The following GET4 variants were observed in gnomAD, a reference collection of about 807,000 sequenced individuals.
The protein encoded by GET4 is Golgi to ER traffic protein 4 homolog.
Under a neutral mutation model 40.0 loss-of-function variants are expected in GET4, and 20 were observed. The observed-to-expected ratio is 0.50, with a 90% confidence interval of 0.35 to 0.73. GET4 has a LOEUF of 0.73. Ranked by LOEUF, GET4 falls within the 30% of genes least tolerant of loss-of-function variation. The pLI is 0.01. For missense variants in GET4, 557 were observed against 454.0 expected (o/e 1.23, Z -2.06); for synonymous variants, 280 against 194.6 (o/e 1.44, Z -3.65).
At chr7:892,659 C>T (rs1043044729) in intron 6 of GET4, among the ~76,000 whole-genome samples, 2 of 146,092 alleles carry the variant, frequency 1.4e-5, no homozygotes, top group South Asian at 4.4e-4. Flanking sequence ...GTAGACATGG[C>T]GTGGGGGAGT....
At position 896,253 on chromosome 7, in the gene GET4, C is replaced by T. The variant is rs927404370; in HGVS notation, c.*831C>T. On this transcript the variant is annotated 3_prime_UTR_variant, in exon 9 of 9. Transcript: ENST00000265857. Reference sequence around the variant, plus strand: ...CAGCTCCGTTCTGTCAGATGCTACTCCAAATGTTACCAGAACGATGACAAA... The same window carrying T: ...CAGCTCCGTTCTGTCAGATGCTACTTCAAATGTTACCAGAACGATGACAAA... 1.3e-5 allele frequency: 2 copies of T among 152,220 alleles called. No homozygotes were observed. The highest frequency in any genetic ancestry group is 4.8e-5 in the African/African-American group (2 of 41,442). 9.4% of individuals were successfully genotyped at this position (152,220 alleles called of 1,614,324 possible).
intron 2 of GET4, 100 bp downstream of exon 2, chr7:886,234 C>G: frequency 1.3e-6 from 1 of 784,292 alleles, no homozygotes; most frequent in South Asian, 1.4e-5. Context: ...CCTTGCGCTG[C>G]CCTGGGCCTC....
chr7:894,543 C>T (rs912700668), intron 8 of GET4, among the ~76,000 whole-genome samples: 1 of 152,186 alleles, frequency 6.6e-6, no homozygotes, highest in African/African-American at 2.4e-5. Flanking sequence ...CCCTGTCCTC[C>T]CCGGATGCCC....
intron 3 of GET4, 126 bp downstream of exon 3, chr7:886,776 G>A (rs1044202343): frequency 1.4e-5 from 10 of 691,772 alleles, no homozygotes; most frequent in African/African-American, 1.2e-4. Context: ...GAACTCTGCT[G>A]CAGAGGCAGT....
chr7:890,741 T>A (rs1011912825), intron 4 of GET4, among the ~76,000 whole-genome samples, 187 bp from the exon 5 acceptor site: 1 of 152,038 alleles, frequency 6.6e-6, no homozygotes, highest in Non-Finnish European at 1.5e-5. Flanking sequence ...GATCTGTTGA[T>A]TTGGTGCTGC....
chr7:879,462 C>T (rs1331422281), intron 1 of GET4, among the ~76,000 whole-genome samples: 1 of 152,192 alleles, frequency 6.6e-6, no homozygotes, highest in Non-Finnish European at 1.5e-5. Flanking sequence ...GGATGAGGTC[C>T]TGGCATCTGT....
At chr7:887,569 G>T (rs1484837882) in intron 4 of GET4, 50 bp downstream of exon 4, 2 of 1,402,650 alleles carry the variant, frequency 1.4e-6, no homozygotes, top group South Asian at 2.9e-5. Flanking sequence ...TCTCGGCGTT[G>T]ATTTGCACTG....
At chr7:894,053 C>T (rs996691452) in intron 8 of GET4, 82 bp downstream of exon 8, 122 of 773,566 alleles carry the variant, frequency 1.6e-4, no homozygotes, top group Admixed American at 9.9e-4. Flanking sequence ...AGGTCCAGTG[C>T]GGTCCTTCAC....
chr7:883,950 G>A (rs766963666), intron 1 of GET4: 420 of 1,053,428 alleles, frequency 4.0e-4, no homozygotes, highest in African/African-American at 4.6e-4. Context: ...CCCCTTGCCC[G>A]GCTCCCAGCT....
At chr7:877,430 C>T (rs1463340036) in intron 1 of GET4, among the ~76,000 whole-genome samples, 5 of 116,582 alleles carry the variant, frequency 4.3e-5, no homozygotes, top group South Asian at 3.3e-4. Context: ...CCTCCCCCTG[C>T]CCTCACTCCC....
At chr7:878,604 C>T (rs1270711587) in intron 1 of GET4, among the ~76,000 whole-genome samples, 1 of 143,484 alleles carries the variant, frequency 7.0e-6, no homozygotes, top group Non-Finnish European at 1.5e-5. Context: ...GACGGAGTCT[C>T]GCTCTGTCCT....
intron 6 of GET4, among the ~76,000 whole-genome samples, chr7:892,765 T>G (rs1844357767): frequency 1.4e-5 from 2 of 144,326 alleles, no homozygotes; most frequent in African/African-American, 5.3e-5. Flanking sequence ...TGGGTATCCA[T>G]GTGGTGTGGG....
At position 895,431 on chromosome 7, in the gene GET4, G is replaced by GAC; in HGVS notation, c.*9_*10insAC. 6.8e-7 allele frequency: 1 copy of GAC among 1,476,766 alleles called. No homozygotes were observed. The highest frequency in any genetic ancestry group is 9.4e-7 in the Non-Finnish European group (1 of 1,059,580). 91.5% of individuals were successfully genotyped at this position (1,476,766 alleles called of 1,614,324 possible). ...CCATCGAGCTGGACTGAACTGGCCA[G>GAC]GCCACGTGGAGACACCACGGTCGAC... On this transcript the variant is annotated 3_prime_UTR_variant, in exon 9 of 9. Transcript: ENST00000265857.
intron 8 of GET4, among the ~76,000 whole-genome samples, chr7:894,741 C>T (rs1185052382): frequency 6.6e-6 from 1 of 152,238 alleles, no homozygotes; most frequent in Non-Finnish European, 1.5e-5. Context: ...GTGACACTGC[C>T]ACGGCCGTGT....
At chr7:891,831 T>C (rs1844329465) in intron 5 of GET4, among the ~76,000 whole-genome samples, 1 of 152,162 alleles carries the variant, frequency 6.6e-6, no homozygotes, top group East Asian at 1.9e-4. Context: ...CGTGTACATG[T>C]TTTCTCTGGG....
At chr7:894,075 T>C (rs1230594492) in intron 8 of GET4, 104 bp downstream of exon 8, 2 of 628,508 alleles carry the variant, frequency 3.2e-6, no homozygotes, top group East Asian at 5.8e-5. Context: ...TGGAAGTGGT[T>C]TTCTGATCTT....
intron 1 of GET4, chr7:880,438 C>G (rs770487562): frequency 5.3e-5 from 8 of 152,240 alleles, no homozygotes; most frequent in Admixed American, 6.5e-5. Context: ...TCTACGGTGA[C>G]GAGGGATTTG....
chr7:893,022 GGT>G (rs1844365985), intron 6 of GET4, among the ~76,000 whole-genome samples: 1 of 149,326 alleles, frequency 6.7e-6, no homozygotes, highest in African/African-American at 2.5e-5. Context: ...GCAGGTGAGG[GGT>G]GTAGGCGTGT....
intron 7 of GET4, 40 bp downstream of exon 7, chr7:893,855 G>T (rs367686493): frequency 1.2e-6 from 2 of 1,604,370 alleles, no homozygotes; most frequent in Non-Finnish European, 1.7e-6. Context: ...GGGACCCCAC[G>T]GTCTGGGTCC....
Sources: allele counts gnomAD v4.1 joint callset (sites outside exome capture counted in the v4.1 genomes callset), GRCh38; gene constraint gnomAD v4.1.1; transcripts MANE v1.5; gene names NCBI Gene and HGNC (gene_info 2026-07-23, HGNC 2026-07-21).